NRXN1: variants seen among roughly 807,000 people sequenced by gnomAD.
NRXN1 encodes the protein neurexin-1.
In NRXN1, 39 loss-of-function variants were observed where a neutral mutation model predicts 150.9. The observed-to-expected ratio is 0.26, with a 90% CI of 0.20 to 0.34. NRXN1 has a LOEUF of 0.34. Among genes scored for constraint, NRXN1 ranks in the 10% least tolerant of loss-of-function variants. The probability of loss-of-function intolerance (pLI) is 1.00; values close to 1 mark genes in which losing one functional copy is unlikely to be tolerated. For missense variants in NRXN1, 1,815 were observed against 1,949.9 expected, an observed-to-expected ratio of 0.93 and a Z score of 1.30; for synonymous variants, 924 against 757.0, an observed-to-expected ratio of 1.22 and a Z score of -3.62.
intron 17 of NRXN1, among the ~76,000 whole-genome samples, chr2:50,448,394 A>T (rs986100341): frequency 6.6e-6 from 1 of 152,196 alleles, no homozygotes; most frequent in Non-Finnish European, 1.5e-5. Flanking sequence ...CAAAGCTACA[A>T]GTAGAAAAGC....
intron 17 of NRXN1, chr2:50,312,866 G>C (rs767315971): frequency 2.1e-4 from 94 of 456,180 alleles, no homozygotes; most frequent in Non-Finnish European, 3.6e-4. Context: ...TTTTGATAGA[G>C]GCAGGCAGTG....
intron 17 of NRXN1, among the ~76,000 whole-genome samples, chr2:50,414,071 G>T (rs889781301): frequency 6.6e-6 from 1 of 151,582 alleles, no homozygotes; most frequent in Non-Finnish European, 1.5e-5. Flanking sequence ...CCGTGTGCAG[G>T]GGAGGTAAGG....
At chr2:50,882,006 C>A (rs995645700) in intron 5 of NRXN1, among the ~76,000 whole-genome samples, 2 of 151,688 alleles carry the variant, frequency 1.3e-5, no homozygotes, top group Admixed American at 1.3e-4. Context: ...GGAAGCAAAA[C>A]ATATGCTCAA....
At chr2:50,715,133 T>TTCTGTCA (rs1695706462) in intron 5 of NRXN1, among the ~76,000 whole-genome samples, 1 of 152,204 alleles carries the variant, frequency 6.6e-6, no homozygotes, top group African/African-American at 2.4e-5. Flanking sequence ...AGGGTACTCT[T>TTCTGTCA]TCTGTCATCC....
At chr2:50,015,338 C>CCTTT (rs1686398102) in intron 21 of NRXN1, among the ~76,000 whole-genome samples, 2 of 151,866 alleles carry the variant, frequency 1.3e-5, no homozygotes, top group Non-Finnish European at 1.5e-5. Context: ...AAAGGTCTCT[C>CCTTT]CTTTCTTTGA....
chr2:50,649,308 A>G (rs978007810), intron 5 of NRXN1, among the ~76,000 whole-genome samples: 1 of 150,216 alleles, frequency 6.7e-6, no homozygotes. Flanking sequence ...AGAAATCACA[A>G]GTATTTACTG....
chr2:50,705,594 AGT>A (rs1293094281), intron 5 of NRXN1, among the ~76,000 whole-genome samples: 1 of 152,220 alleles, frequency 6.6e-6, no homozygotes, highest in Admixed American at 6.5e-5. Flanking sequence ...TGACCAATGC[AGT>A]TGGATTATTT....
chr2:50,432,478 T>C (rs759212003), intron 17 of NRXN1, among the ~76,000 whole-genome samples: 12 of 152,218 alleles, frequency 7.9e-5, no homozygotes, highest in South Asian at 2.1e-4. Flanking sequence ...CAGATGCTAG[T>C]TGCCTAAAGA....
At chr2:50,484,909 C>G (rs180824777) in intron 15 of NRXN1, among the ~76,000 whole-genome samples, 7 of 152,188 alleles carry the variant, frequency 4.6e-5, no homozygotes, top group Admixed American at 4.6e-4. Flanking sequence ...TGATATTTCC[C>G]CCCAAGATTA....
In NRXN1 at chr2:50,365,989, A is replaced by C. The variant is rs937600386; in HGVS notation, c.3364+99453T>G. ...TGGAATATAATTTGTCCATTACAATAAAATAACCTTAGAAGTAGGTTGAAG... is the reference window on the plus strand; with the variant it reads ...TGGAATATAATTTGTCCATTACAATCAAATAACCTTAGAAGTAGGTTGAAG... On this transcript the variant is annotated intron_variant, in intron 17 of 22. Coordinates refer to ENST00000401669, the MANE Select transcript of NRXN1 (RefSeq NM_001330078.2). 2.4e-4 allele frequency among the ~76,000 whole-genome samples: 36 copies of C among 151,934 alleles called. 1 individual carries two copies. Among genetic ancestry groups the C allele is most frequent in the Admixed American group, 1.8e-3 (28 of 15,214 alleles).
At chr2:49,928,660 T>A (rs1484484910) in intron 22 of NRXN1, among the ~76,000 whole-genome samples, 2 of 152,212 alleles carry the variant, frequency 1.3e-5, no homozygotes, top group Admixed American at 1.3e-4. Flanking sequence ...TTTTCCCATT[T>A]TTTTGCTTCA....
intron 22 of NRXN1, among the ~76,000 whole-genome samples, chr2:49,938,451 AGTGGTT>A (rs1430023759): frequency 6.6e-6 from 1 of 152,128 alleles, no homozygotes; most frequent in Non-Finnish European, 1.5e-5. Context: ...TTGTCTTTTG[AGTGGTT>A]GTACTGATGA....
chr2:50,308,228 T>C (rs912006803), intron 17 of NRXN1, among the ~76,000 whole-genome samples: 7 of 152,170 alleles, frequency 4.6e-5, no homozygotes, highest in African/African-American at 1.4e-4. Flanking sequence ...AAAACGTCAA[T>C]TGTGTATACT....
intron 2 of NRXN1, among the ~76,000 whole-genome samples, chr2:51,026,764 C>T (rs1670546168): frequency 1.3e-5 from 2 of 152,106 alleles, no homozygotes; most frequent in South Asian, 4.1e-4. Context: ...CGTCAGCTGA[C>T]CTCACACTTC....
chr2:50,678,683 T>C (rs1265979256), intron 5 of NRXN1, among the ~76,000 whole-genome samples: 1 of 152,146 alleles, frequency 6.6e-6, no homozygotes, highest in East Asian at 1.9e-4. Flanking sequence ...TGAGATATTT[T>C]TGACTGTTCG....
intron 18 of NRXN1, among the ~76,000 whole-genome samples, chr2:50,179,217 T>C (rs2060542969): frequency 6.6e-6 from 1 of 152,132 alleles, no homozygotes; most frequent in Non-Finnish European, 1.5e-5. Flanking sequence ...TCACTACATC[T>C]TCCAGGGAGA....
chr2:49,965,066 G>A (rs1454648879), intron 21 of NRXN1, among the ~76,000 whole-genome samples: 6 of 151,862 alleles, frequency 4.0e-5, no homozygotes, highest in Non-Finnish European at 7.4e-5. Context: ...TTTTGGTAGA[G>A]ACAGGGTTTC....
intron 5 of NRXN1, among the ~76,000 whole-genome samples, chr2:50,643,869 A>G (rs553058316): frequency 6.6e-5 from 10 of 151,830 alleles, no homozygotes; most frequent in Non-Finnish European, 1.0e-4. Flanking sequence ...TTAGGCTTTT[A>G]TAAACATTTA....
intron 17 of NRXN1, among the ~76,000 whole-genome samples, chr2:50,248,203 T>G (rs1185354961): frequency 6.6e-6 from 1 of 152,052 alleles, no homozygotes; most frequent in Non-Finnish European, 1.5e-5. Context: ...TTCTTAGAGA[T>G]AAGGTCTCAC....
Sources: allele counts gnomAD v4.1 joint callset (sites outside exome capture counted in the v4.1 genomes callset), GRCh38; gene constraint gnomAD v4.1.1; transcripts MANE v1.5; gene names NCBI Gene and HGNC (gene_info 2026-07-23, HGNC 2026-07-21).